The following RUNX2 variants were observed in gnomAD, a reference collection of about 807,000 sequenced individuals.
RUNX2 encodes runt-related transcription factor 2.
A neutral mutation model predicts 51.7 loss-of-function variants in RUNX2; 10 were observed. The ratio of observed to expected loss-of-function variants is 0.19; its 90% CI spans 0.12 to 0.33. The LOEUF (loss-of-function observed/expected upper bound fraction) is 0.33, where lower values mean the gene tolerates loss of function less well. Among genes scored for constraint, RUNX2 ranks in the 10% least tolerant of loss-of-function variants. The pLI is 1.00. For missense variants in RUNX2, 562 were observed against 691.3 expected (o/e 0.81, Z 2.10); for synonymous variants, 276 against 273.6 (o/e 1.01, Z -0.09).
chr6:45,520,446 T>C (rs1801470695), intron 7 of RUNX2, among the ~76,000 whole-genome samples: 1 of 152,200 alleles, frequency 6.6e-6, no homozygotes, highest in Non-Finnish European at 1.5e-5. Context: ...AAAATAACAA[T>C]ACAGTTATGT....
Position 45,512,309 on chromosome 6 carries a change from G to A in RUNX2, c.923G>A (p.Ser308Asn). ...GACCAGTCTTACCCCTCCTACCTGAGCCAGATGACGTCCCCGTCCATCCAC... is the reference window on the plus strand; with the variant it reads ...GACCAGTCTTACCCCTCCTACCTGAACCAGATGACGTCCCCGTCCATCCAC... ...SYDQSYPSYL[S>N]QMTSPSIHST... The change falls in exon 7 of 9, where the codon AGC (serine) becomes AAC (asparagine). Residue 308 changes from serine (S) to asparagine (N), a missense_variant. Around this residue, in one of 5 missense-constraint regions of RUNX2, gnomAD observed 304 missense variants for 353.2 expected, o/e 0.86. Coordinates refer to ENST00000647337, the MANE Select transcript of RUNX2 (RefSeq NM_001024630.4). The A allele has an allele frequency of 6.2e-7, 1 of 1,614,080 alleles. No individual in the cohort carries two copies. The highest frequency in any genetic ancestry group is 8.5e-7 in the Non-Finnish European group (1 of 1,180,008).
intron 6 of RUNX2, among the ~76,000 whole-genome samples, chr6:45,509,952 T>C (rs1418854331): frequency 6.6e-6 from 1 of 152,160 alleles, no homozygotes; most frequent in Non-Finnish European, 1.5e-5. Flanking sequence ...CCCAACTTAT[T>C]TAGCTATGTG....
At chr6:45,369,334 C>G (rs80303043) in intron 2 of RUNX2, among the ~76,000 whole-genome samples, 1 of 152,116 alleles carries the variant, frequency 6.6e-6, no homozygotes, top group African/African-American at 2.4e-5. Flanking sequence ...CTGACCTAAG[C>G]CCATCTCCAA....
At chr6:45,356,697 G>T (rs894588955) in intron 2 of RUNX2, among the ~76,000 whole-genome samples, 1 of 152,000 alleles carries the variant, frequency 6.6e-6, no homozygotes, top group African/African-American at 2.4e-5. Context: ...GAGCCACCTC[G>T]CCTGGCCCAA....
chr6:45,432,943 A>C (rs1340423613), intron 4 of RUNX2, among the ~76,000 whole-genome samples: 2 of 152,214 alleles, frequency 1.3e-5, no homozygotes, highest in Non-Finnish European at 2.9e-5. Context: ...AGCCTTATGG[A>C]ATCATTGCAA....
At position 45,328,434 on chromosome 6, in the gene RUNX2, T is replaced by C. The variant is rs747165166; in HGVS notation, c.-93T>C. 27 of 1,446,860 alleles carry C rather than the reference T, an allele frequency of 1.9e-5. 2 individuals carry two copies. In the South Asian group the frequency reaches 2.1e-4, roughly 12 times the overall value. The allele number at this position is 1,446,860 out of a possible 1,614,324, so 89.6% of individuals were successfully genotyped here. ...TAAATGGTTAATCTCCGCAGGTCAC[T>C]ACCAGCCACCGAGACCAACAGAGTC... On this transcript the variant is annotated 5_prime_UTR_variant, in exon 1 of 9. Coordinates refer to ENST00000647337, the MANE Select transcript of RUNX2 (RefSeq NM_001024630.4).
chr6:45,433,090 G>A (rs1198997163), intron 4 of RUNX2, among the ~76,000 whole-genome samples: 1 of 152,160 alleles, frequency 6.6e-6, no homozygotes, highest in Non-Finnish European at 1.5e-5. Flanking sequence ...TGTTTCCGAT[G>A]AGTAGTGTTA....
At chr6:45,540,147 G>A (rs1038437870) in intron 7 of RUNX2, among the ~76,000 whole-genome samples, 1 of 152,058 alleles carries the variant, frequency 6.6e-6, no homozygotes, top group African/African-American at 2.4e-5. Context: ...AGGAGCAGTG[G>A]GATATGACTT....
chr6:45,336,640 T>G (rs932773027), intron 2 of RUNX2, among the ~76,000 whole-genome samples: 11 of 151,572 alleles, frequency 7.3e-5, no homozygotes, highest in Middle Eastern at 3.4e-3. Flanking sequence ...CTCAGACGTA[T>G]TCAAACAATT....
intron 3 of RUNX2, among the ~76,000 whole-genome samples, chr6:45,423,853 G>C (rs992454161): frequency 2.6e-5 from 4 of 152,314 alleles, no homozygotes; most frequent in African/African-American, 9.6e-5. Context: ...GCCAGGGGAC[G>C]GGGCGGGAGC....
intron 5 of RUNX2, among the ~76,000 whole-genome samples, chr6:45,482,415 C>G (rs1453582682): frequency 6.6e-6 from 1 of 152,238 alleles, no homozygotes; most frequent in Non-Finnish European, 1.5e-5. Flanking sequence ...TGATTCGCCA[C>G]AGCCTAAAAC....
At chr6:45,539,412 A>G (rs564528017) in intron 7 of RUNX2, among the ~76,000 whole-genome samples, 13 of 152,284 alleles carry the variant, frequency 8.5e-5, no homozygotes, top group African/African-American at 2.9e-4. Context: ...TGGTCATTTC[A>G]TTATCTTAAA....
chr6:45,415,707 C>A (rs978675724), intron 2 of RUNX2, among the ~76,000 whole-genome samples: 1 of 152,008 alleles, frequency 6.6e-6, no homozygotes, highest in Non-Finnish European at 1.5e-5. Flanking sequence ...CACAAGTTAA[C>A]CAGGAAGCAA....
At chr6:45,363,905 T>C (rs1452752338) in intron 2 of RUNX2, among the ~76,000 whole-genome samples, 1 of 151,860 alleles carries the variant, frequency 6.6e-6, no homozygotes, top group African/African-American at 2.4e-5. Context: ...TTCTTTCTTT[T>C]TAAATTCTAA....
intron 7 of RUNX2, among the ~76,000 whole-genome samples, chr6:45,517,680 T>C (rs1801374457): frequency 6.6e-6 from 1 of 152,146 alleles, no homozygotes; most frequent in Non-Finnish European, 1.5e-5. Flanking sequence ...TGAAGATGTC[T>C]CCAGTTTTAT....
At chr6:45,473,192 A>G (rs1799856071) in intron 5 of RUNX2, among the ~76,000 whole-genome samples, 1 of 152,166 alleles carries the variant, frequency 6.6e-6, no homozygotes, top group African/African-American at 2.4e-5. Flanking sequence ...GATTATTTTA[A>G]GGTTAGCAGT....
At position 45,337,445 on chromosome 6, in the gene RUNX2, C is replaced by A. The variant is rs548744874; in HGVS notation, c.58+8661C>A. Among the ~76,000 whole-genome samples, 4 of 151,862 alleles carry A rather than the reference C, an allele frequency of 2.6e-5. No homozygotes were observed. In the East Asian group the frequency reaches 7.7e-4, roughly 29 times the overall value. On this transcript the variant is annotated intron_variant, in intron 2 of 8. Transcript: ENST00000647337. ...TAAATCAATATATACAAGGGTTACT[C>A]TAAAAATACTCATTTCTAGAAGGCC...
chr6:45,415,518 C>T (rs1798049976), intron 2 of RUNX2, among the ~76,000 whole-genome samples: 1 of 152,032 alleles, frequency 6.6e-6, no homozygotes, highest in African/African-American at 2.4e-5. Flanking sequence ...CTACAAACAG[C>T]CCAGGAGGGG....
intron 2 of RUNX2, among the ~76,000 whole-genome samples, chr6:45,344,641 T>C (rs1289442740): frequency 6.6e-6 from 1 of 152,102 alleles, no homozygotes; most frequent in Non-Finnish European, 1.5e-5. Flanking sequence ...CCATTAAAAA[T>C]CAGGAATGTC....
Sources: allele counts gnomAD v4.1 joint callset (sites outside exome capture counted in the v4.1 genomes callset), GRCh38; gene constraint gnomAD v4.1.1; regional missense constraint gnomAD v4.1.1; transcripts MANE v1.5; gene names NCBI Gene and HGNC (gene_info 2026-07-23, HGNC 2026-07-21).